The following HCN1 variants were observed in gnomAD, a reference collection of about 807,000 sequenced individuals.
The protein encoded by HCN1 is potassium/sodium hyperpolarization-activated cyclic nucleotide-gated channel 1.
HCN1 carries 13 observed loss-of-function variants against 78.9 expected under a neutral mutation model. The observed-to-expected ratio is 0.16, with a 90% CI of 0.11 to 0.26. The LOEUF is 0.26. Among genes scored for constraint, HCN1 ranks in the 10% least tolerant of loss-of-function variants. The probability of loss-of-function intolerance (pLI) is 1.00; values close to 1 mark genes in which losing one functional copy is unlikely to be tolerated. For synonymous variants in HCN1, 552 were observed against 455.5 expected (o/e 1.21, Z -2.70); for missense variants, 810 against 1,154.3 (o/e 0.70, Z 4.32).
chr5:45,693,802 C>T (rs1267389351), intron 1 of HCN1, among the ~76,000 whole-genome samples: 2 of 151,388 alleles, frequency 1.3e-5, no homozygotes, highest in Non-Finnish European at 2.9e-5. Flanking sequence ...TTTCACATTG[C>T]TGAAAAAATA....
chr5:45,346,327 G>A (rs2111971958), intron 5 of HCN1, among the ~76,000 whole-genome samples: 1 of 152,316 alleles, frequency 6.6e-6, no homozygotes, highest in East Asian at 1.9e-4. Context: ...GAGAAGATTG[G>A]CAGTAAAAGA....
At position 45,261,959 on chromosome 5, in the gene HCN1, G is replaced by A. The variant is rs761866949; in HGVS notation, c.2635C>T (p.Pro879Ser). ...RESSSVLNTDPDAEKPRFASN... is the reference protein window; with the variant it reads ...RESSSVLNTDSDAEKPRFASN... ...GCAAATCGTGGCTTTTCTGCGTCTG[G>A]GTCTGTGTTTAAGACTGAGGAAGAT... The change falls in exon 8 of 8, where the codon CCA (proline) becomes TCA (serine). Residue 879 changes from proline (P) to serine (S), a missense_variant. Physicochemically the swap from Pro to Ser is moderately conservative, Grantham distance 74 (BLOSUM62 -1). Around this residue, in one of 6 missense-constraint regions of HCN1, gnomAD observed 398 missense variants for 381.3 expected, o/e 1.04. Coordinates refer to ENST00000303230, the MANE Select transcript of HCN1 (RefSeq NM_021072.4). 6.8e-6 allele frequency: 11 copies of A among 1,614,046 alleles called. No individual in the cohort carries two copies. In the East Asian group the frequency reaches 2.2e-4, roughly 33 times the overall value.
At chr5:45,409,704 TTAAA>T (rs1739989992) in intron 3 of HCN1, among the ~76,000 whole-genome samples, 1 of 151,970 alleles carries the variant, frequency 6.6e-6, no homozygotes, top group African/African-American at 2.4e-5. Flanking sequence ...TAGTGGCACA[TTAAA>T]TATTTTTATG....
At chr5:45,683,290 A>G (rs2112091764) in intron 1 of HCN1, among the ~76,000 whole-genome samples, 1 of 151,874 alleles carries the variant, frequency 6.6e-6, no homozygotes, top group East Asian at 1.9e-4. Context: ...TTAGTCAGTG[A>G]TTTTCTTTTC....
chr5:45,326,223 C>G (rs1029735665), intron 5 of HCN1, among the ~76,000 whole-genome samples: 8 of 151,622 alleles, frequency 5.3e-5, no homozygotes, highest in Non-Finnish European at 1.2e-4. Context: ...CTACTACATA[C>G]CCACATAAAT....
chr5:45,396,037 G>C (rs74757850), intron 4 of HCN1, among the ~76,000 whole-genome samples: 197 of 152,240 alleles, frequency 1.3e-3, no homozygotes, highest in Non-Finnish European at 2.0e-3. Context: ...TATATGCTCA[G>C]CTAAGCATAT....
chr5:45,619,053 T>C (rs1184992413), intron 2 of HCN1, among the ~76,000 whole-genome samples: 1 of 152,084 alleles, frequency 6.6e-6, no homozygotes, highest in Non-Finnish European at 1.5e-5. Context: ...GCTTTGAAAA[T>C]GGTTTTAGCA....
chr5:45,308,447 A>G (rs1166007786), intron 5 of HCN1, among the ~76,000 whole-genome samples: 1 of 152,156 alleles, frequency 6.6e-6, no homozygotes, highest in African/African-American at 2.4e-5. Flanking sequence ...TAGCATGTAA[A>G]GCATATTTTC....
chr5:45,695,893 A>T lies in HCN1; in HGVS notation c.201T>A (p.Gly67=). The T allele has an allele frequency of 6.9e-7, 1 of 1,444,836 alleles. No individual in the cohort carries two copies. Among genetic ancestry groups the T allele is most frequent in the Non-Finnish European group, 9.2e-7 (1 of 1,090,288 alleles). 89.5% of individuals were successfully genotyped at this position (1,444,836 alleles called of 1,614,324 possible). The change falls in exon 1 of 8, where the codon GGT becomes GGA. Residue 67 remains glycine (G), a synonymous_variant. Coordinates refer to ENST00000303230, the MANE Select transcript of HCN1 (RefSeq NM_021072.4). The part of the protein sequence containing the change: ...VCFKVDGGGG[G]GGGGGGGEEP... ...CCTCGCCGCCGCCGCCGCCGCCGCC[A>T]CCGCCGCCACCGCCGTCCACCTTGA...
chr5:45,456,490 A>C (rs180904735), intron 3 of HCN1, among the ~76,000 whole-genome samples: 1 of 152,168 alleles, frequency 6.6e-6, no homozygotes, highest in African/African-American at 2.4e-5. Context: ...AAATTAAATA[A>C]TGCACAGATT....
rs1391556861 is a variant in HCN1 at position 45,335,106 on chromosome 5, A to G, written c.1377+17994T>C. Among the ~76,000 whole-genome samples the G allele has an allele frequency of 2.0e-5, 3 of 152,002 alleles. No homozygotes were observed. In the East Asian group the frequency reaches 5.8e-4, roughly 29 times the overall value. On this transcript the variant is annotated intron_variant, in intron 5 of 7. Coordinates refer to ENST00000303230, the MANE Select transcript of HCN1 (RefSeq NM_021072.4). ...CTACTGGGACACATGATCTGTACCT[A>G]TTTTAAGCCCATGGCTCTTCACAAT...
chr5:45,423,758 G>T (rs1464272898), intron 3 of HCN1, among the ~76,000 whole-genome samples: 1 of 152,084 alleles, frequency 6.6e-6, no homozygotes, highest in Non-Finnish European at 1.5e-5. Context: ...TACCTAGAAT[G>T]GGATAGAGGT....
chr5:45,550,656 A>T (rs1224587387), intron 2 of HCN1, among the ~76,000 whole-genome samples: 1 of 152,014 alleles, frequency 6.6e-6, no homozygotes, highest in African/African-American at 2.4e-5. Flanking sequence ...TTTTAAAAAA[A>T]GGTAATGGAT....
chr5:45,563,490 T>C (rs540196871), intron 2 of HCN1, among the ~76,000 whole-genome samples: 7 of 151,880 alleles, frequency 4.6e-5, no homozygotes, highest in South Asian at 2.1e-4. Context: ...AAAATATATA[T>C]AGTGGAATCC....
At position 45,508,956 on chromosome 5, in the gene HCN1, A is replaced by G. The variant is rs993936202; in HGVS notation, c.850-46949T>C. On this transcript the variant is annotated intron_variant, in intron 2 of 7. Transcript: ENST00000303230. ...CATAATTCAATTTATCCTACTATTC[A>G]GCCTGCTTGTAAAAAATACCACTAT... Among the ~76,000 whole-genome samples, 3 of 152,116 alleles carry G rather than the reference A, an allele frequency of 2.0e-5. No homozygotes were observed. In the East Asian group the frequency reaches 5.8e-4, roughly 29 times the overall value.
chr5:45,273,115 G>C (rs751314659), intron 6 of HCN1, among the ~76,000 whole-genome samples: 1 of 151,834 alleles, frequency 6.6e-6, no homozygotes, highest in Non-Finnish European at 1.5e-5. Context: ...AATTGTAAAA[G>C]TAATGGGGAC....
At chr5:45,364,002 A>G (rs1747180058) in intron 4 of HCN1, among the ~76,000 whole-genome samples, 1 of 151,996 alleles carries the variant, frequency 6.6e-6, no homozygotes, top group Non-Finnish European at 1.5e-5. Context: ...TACCCACCCC[A>G]AATTCTTTTA....
chr5:45,612,125 T>C (rs1051323957), intron 2 of HCN1, among the ~76,000 whole-genome samples: 3 of 152,188 alleles, frequency 2.0e-5, no homozygotes, highest in Non-Finnish European at 4.4e-5. Context: ...ATTTCTGCAG[T>C]CTTGATTTAA....
At chr5:45,326,447 C>A (rs1046425526) in intron 5 of HCN1, among the ~76,000 whole-genome samples, 1 of 151,414 alleles carries the variant, frequency 6.6e-6, no homozygotes, top group African/African-American at 2.4e-5. Flanking sequence ...TTTTTAGTGG[C>A]CACAAAATGT....
Sources: allele counts gnomAD v4.1 joint callset (sites outside exome capture counted in the v4.1 genomes callset), GRCh38; gene constraint gnomAD v4.1.1; regional missense constraint gnomAD v4.1.1; transcripts MANE v1.5; gene names NCBI Gene and HGNC (gene_info 2026-07-23, HGNC 2026-07-21).